The following USH2A variants were observed in gnomAD, a reference collection of about 807,000 sequenced individuals.
USH2A encodes the protein Usher syndrome 2A (autosomal recessive, mild).
A neutral mutation model predicts 538.9 loss-of-function variants in USH2A; 443 were observed. The observed-to-expected ratio is 0.82, with a 90% CI of 0.76 to 0.89. The LOEUF (loss-of-function observed/expected upper bound fraction) is 0.89. USH2A is among the 40% of genes least tolerant of loss of function. USH2A has a pLI of 0.00. For missense variants in USH2A, 6,633 were observed against 6,324.8 expected (o/e 1.05, Z -1.65); for synonymous variants, 2,413 against 2,273.5 (o/e 1.06, Z -1.75).
chr1:215,680,087 C>T, intron 62 of USH2A, 62 bp downstream of exon 62: 2 of 1,542,508 alleles, frequency 1.3e-6, no homozygotes, highest in South Asian at 2.2e-5. Context: ...GATGGCATGT[C>T]AGGGCTCATC....
At chr1:215,637,093 G>T (rs1656518997) in intron 69 of USH2A, among the ~76,000 whole-genome samples, 1 of 152,072 alleles carries the variant, frequency 6.6e-6, no homozygotes, top group Admixed American at 6.5e-5. Flanking sequence ...AACTCTGGTG[G>T]CTGGGCCTCA....
intron 16 of USH2A, 98 bp downstream of exon 16, chr1:216,207,175 G>T: frequency 6.8e-7 from 1 of 1,468,776 alleles, no homozygotes; most frequent in Non-Finnish European, 9.5e-7. Flanking sequence ...GTGCCAGACA[G>T]AGGAAACCAC....
intron 49 of USH2A, among the ~76,000 whole-genome samples, chr1:215,811,659 G>C (rs1046260593): frequency 6.6e-6 from 1 of 152,040 alleles, no homozygotes; most frequent in Non-Finnish European, 1.5e-5. Flanking sequence ...TGTAATCCCA[G>C]CACTTTGGGA....
chr1:216,351,121 G>C (rs1401788183), intron 4 of USH2A, among the ~76,000 whole-genome samples: 2 of 151,940 alleles, frequency 1.3e-5, no homozygotes, highest in African/African-American at 4.8e-5. Flanking sequence ...TGGATCCTGG[G>C]GTATATCAGT....
chr1:216,130,849 C>A (rs555725604), intron 21 of USH2A, among the ~76,000 whole-genome samples: 2 of 151,674 alleles, frequency 1.3e-5, no homozygotes, highest in African/African-American at 4.8e-5. Flanking sequence ...ATTCCTGGAT[C>A]TAATGGTAGT....
chr1:216,313,854 G>A (rs2037463775), intron 9 of USH2A, among the ~76,000 whole-genome samples: 1 of 152,026 alleles, frequency 6.6e-6, no homozygotes, highest in Non-Finnish European at 1.5e-5. Context: ...GCTGTCTTCT[G>A]GCTTTCATTG....
At chr1:216,093,773 A>G (rs574017308) in intron 22 of USH2A, among the ~76,000 whole-genome samples, 20 of 152,304 alleles carry the variant, frequency 1.3e-4, no homozygotes, top group African/African-American at 4.6e-4. Context: ...CAGAATTCCA[A>G]TGAGTGTCAT....
chr1:216,107,686 C>CTT lies in USH2A; in HGVS notation c.4628-10475_4628-10474dup, dbSNP rs34087316. On this transcript the variant is annotated intron_variant, in intron 21 of 71. Coordinates refer to ENST00000307340, the MANE Select transcript of USH2A (RefSeq NM_206933.4). Reference sequence around the variant, plus strand: ...TTCTCTCTTTTCTTACTTTCTTCTTCTTTTTTTTTTTTGCATTTGCTGTTT... The same window carrying CTT: ...TTCTCTCTTTTCTTACTTTCTTCTTCTTTTTTTTTTTTTTGCATTTGCTGTTT... Among the ~76,000 whole-genome samples, 612 of 142,650 alleles carry CTT rather than the reference C, an allele frequency of 4.3e-3. 26 individuals are homozygous for CTT. In the East Asian group the frequency reaches 0.053, roughly 12 times the overall value. The allele number at this position is 142,650 out of a possible 152,430, so 93.6% of individuals were successfully genotyped here. A position where few individuals can be genotyped will look rare whatever the true frequency, so the allele number is the denominator to read the frequency against.
chr1:215,673,579 C>T (rs1657894901), intron 63 of USH2A, among the ~76,000 whole-genome samples: 1 of 152,120 alleles, frequency 6.6e-6, no homozygotes, highest in South Asian at 2.1e-4. Context: ...TCCTGAGAAA[C>T]CATAAGAAAG....
chr1:216,069,406 T>A (rs773731341), intron 30 of USH2A, among the ~76,000 whole-genome samples: 53 of 152,312 alleles, frequency 3.5e-4, no homozygotes, highest in Non-Finnish European at 6.2e-4. Flanking sequence ...CGTTATAGGA[T>A]TTTTTGATAG....
intron 3 of USH2A, among the ~76,000 whole-genome samples, chr1:216,396,418 C>G (rs2039213430): frequency 6.6e-6 from 1 of 152,056 alleles, no homozygotes; most frequent in Non-Finnish European, 1.5e-5. Context: ...AGTTTATGCT[C>G]AGTTACACTA....
chr1:215,843,320 C>T (rs1219980369), intron 46 of USH2A, among the ~76,000 whole-genome samples: 1 of 152,158 alleles, frequency 6.6e-6, no homozygotes, highest in Non-Finnish European at 1.5e-5. Context: ...CAAGCTTTCT[C>T]TAAATGTGGG....
intron 3 of USH2A, among the ~76,000 whole-genome samples, chr1:216,372,769 G>A (rs2038739005): frequency 6.6e-6 from 1 of 152,122 alleles, no homozygotes; most frequent in Admixed American, 6.5e-5. Flanking sequence ...TGTAGATACT[G>A]CTTAAAGAGG....
intron 37 of USH2A, among the ~76,000 whole-genome samples, chr1:215,963,043 T>C (rs141723249): frequency 6.6e-6 from 1 of 152,242 alleles, no homozygotes; most frequent in African/African-American, 2.4e-5. Context: ...ACTAGCTGAA[T>C]TTCCCTATCT....
intron 4 of USH2A, among the ~76,000 whole-genome samples, chr1:216,346,383 C>A (rs907663158): frequency 6.6e-6 from 1 of 152,064 alleles, no homozygotes; most frequent in East Asian, 1.9e-4. Flanking sequence ...ATGGATAGAT[C>A]CCTCTCAAAA....
chr1:215,839,241 T>G (rs1340290171), intron 46 of USH2A, among the ~76,000 whole-genome samples: 1 of 152,194 alleles, frequency 6.6e-6, no homozygotes, highest in East Asian at 1.9e-4. Context: ...TGTAATATAA[T>G]TAATGAAAAT....
chr1:216,161,153 C>T (rs2034051495), intron 21 of USH2A, among the ~76,000 whole-genome samples: 1 of 151,894 alleles, frequency 6.6e-6, no homozygotes, highest in African/African-American at 2.4e-5. Context: ...AACTTTTATG[C>T]TTATTTGGGT....
intron 21 of USH2A, among the ~76,000 whole-genome samples, chr1:216,156,807 TAAAC>T (rs1215927786): frequency 6.7e-6 from 1 of 149,186 alleles, no homozygotes; most frequent in South Asian, 2.3e-4. Flanking sequence ...ATAAGGAACT[TAAAC>T]AAATCAACAA....
intron 67 of USH2A, among the ~76,000 whole-genome samples, chr1:215,646,799 T>A (rs1256807878): frequency 3.3e-5 from 5 of 152,220 alleles, no homozygotes; most frequent in Non-Finnish European, 7.3e-5. Context: ...AGTGCTGGGA[T>A]TACAGGCGTG....
Sources: allele counts gnomAD v4.1 joint callset (sites outside exome capture counted in the v4.1 genomes callset), GRCh38; gene constraint gnomAD v4.1.1; transcripts MANE v1.5; gene names NCBI Gene and HGNC (gene_info 2026-07-23, HGNC 2026-07-21).